Variants in G3BP1 observed in about 807,000 individuals in gnomAD.
G3BP1 encodes the protein G3BP stress granule assembly factor 1, also known as ras GTPase-activating protein-binding protein 1.
A neutral mutation model predicts 58.6 loss-of-function variants in G3BP1; 35 were observed. The ratio of observed to expected loss-of-function variants is 0.60; its 90% CI spans 0.46 to 0.79. The LOEUF (loss-of-function observed/expected upper bound fraction) is 0.79. Ranked by LOEUF, G3BP1 falls within the 30% of genes least tolerant of loss-of-function variation. The pLI, the probability that G3BP1 is intolerant of heterozygous loss-of-function variation, is 0.00. For synonymous variants in G3BP1, 191 were observed against 195.4 expected (o/e 0.98, Z 0.19); for missense variants, 523 against 580.8 (o/e 0.90, Z 1.02).
intron 4 of G3BP1, chr5:151,791,948 C>T (rs2915869): frequency 0.23 from 87,868 of 376,218 alleles, 11,427 homozygotes; most frequent in East Asian, 0.3. Flanking sequence ...GCCACCATGC[C>T]CAGCCTTATT....
intron 1 of G3BP1, among the ~76,000 whole-genome samples, chr5:151,772,965 G>A (rs919689547): frequency 1.3e-5 from 2 of 152,206 alleles, no homozygotes; most frequent in African/African-American, 4.8e-5. Context: ...AAGGGTTTGG[G>A]CTTCCTTTCT....
At chr5:151,779,125 G>T (rs565622622) in intron 1 of G3BP1, among the ~76,000 whole-genome samples, 1 of 151,752 alleles carries the variant, frequency 6.6e-6, no homozygotes, top group East Asian at 1.9e-4. Flanking sequence ...GCTTGCCTGC[G>T]TGCCTTTTCA....
intron 1 of G3BP1, among the ~76,000 whole-genome samples, chr5:151,779,426 T>G (rs1192314819): frequency 1.6e-4 from 24 of 152,222 alleles, no homozygotes; most frequent in Non-Finnish European, 7.3e-5. Flanking sequence ...GTATACTTTT[T>G]CCACTGAATT....
chr5:151,774,645 C>T (rs113854115), intron 1 of G3BP1, among the ~76,000 whole-genome samples: 267 of 150,168 alleles, frequency 1.8e-3, no homozygotes, highest in Middle Eastern at 0.01. Flanking sequence ...TTATATTGTG[C>T]TTTGGCTTCC....
rs764021612 is a variant in G3BP1 at position 151,799,285 on chromosome 5, C to T, written c.815C>T (p.Pro272Leu). 3 of 1,589,784 alleles carry T rather than the reference C, an allele frequency of 1.9e-6. No individual in the cohort carries two copies. Among genetic ancestry groups the T allele is most frequent in the Admixed American group, 3.3e-5 (2 of 59,988 alleles). The change falls in exon 8 of 12, where the codon CCT (proline) becomes CTT (leucine). Residue 272 changes from proline to leucine, a missense_variant. Physicochemically the swap from Pro to Leu is moderately conservative, Grantham distance 98. Coordinates refer to ENST00000356245, the MANE Select transcript of G3BP1 (RefSeq NM_005754.3). The part of the protein sequence containing the change: ...SGAVPVTGIP[P>L]HVVKVPASQP... ...GCTGTTCCAGTTACTGGGATACCAC[C>T]TCATGTTGTTAAAGTACCAGCTTCA... is the stretch of plus-strand genomic sequence containing the variant.
At position 151,798,702 on chromosome 5, in the gene G3BP1, G is replaced by A. The variant is rs575143841; in HGVS notation, c.742-510G>A. On this transcript the variant is annotated intron_variant, in intron 7 of 11. Transcript: ENST00000356245. ...TGTTGGGCCAGGCGTTGTGGCTTAC[G>A]CATTTAATCCCAGCACTTTGGGAGG... is the stretch of plus-strand genomic sequence containing the variant. Among the ~76,000 whole-genome samples the A allele has an allele frequency of 1.9e-4, 29 of 152,206 alleles. 1 individual carries two copies. Among genetic ancestry groups the A allele is most frequent in the African/African-American group, 7.0e-4 (29 of 41,526 alleles).
At chr5:151,788,572 A>ATGTGTGTGTGTGTGTGTGTG (rs10634385) in intron 2 of G3BP1, among the ~76,000 whole-genome samples, 23 of 133,328 alleles carry the variant, frequency 1.7e-4, no homozygotes, top group African/African-American at 5.9e-4. Flanking sequence ...CTAAGTTTAT[A>ATGTGTGTGTGTGTGTGTGTG]TGTGTGTGTG....
chr5:151,796,646 A>G (rs949251089), intron 6 of G3BP1, among the ~76,000 whole-genome samples: 1 of 152,122 alleles, frequency 6.6e-6, no homozygotes, highest in Non-Finnish European at 1.5e-5. Context: ...TCTCCCCCAA[A>G]TTCCTTATGT....
At chr5:151,773,009 C>T (rs1762300679) in intron 1 of G3BP1, among the ~76,000 whole-genome samples, 2 of 152,166 alleles carry the variant, frequency 1.3e-5, no homozygotes, top group South Asian at 2.1e-4. Context: ...GTAGATGTGC[C>T]GCCACCGTAG....
rs74855689 is a variant in G3BP1, at chr5:151,809,063, G to A, written c.*4972G>A. 1,317 of 152,324 alleles carry A rather than the reference G, an allele frequency of 8.6e-3. 16 individuals carry two copies. Among genetic ancestry groups the A allele is most frequent in the African/African-American group, 0.03 (1,264 of 41,546 alleles). 9.4% of individuals were successfully genotyped at this position (152,324 alleles called of 1,614,324 possible). A position where few individuals can be genotyped will look rare whatever the true frequency, so the allele number is the denominator to read the frequency against. ...GTGGTGGCGCATTCCTATAGTCTCC[G>A]TCTCTCAGGAGGCTGAGGCAGGAGA... On this transcript the variant is annotated 3_prime_UTR_variant, in exon 12 of 12. Coordinates refer to ENST00000356245, the MANE Select transcript of G3BP1 (RefSeq NM_005754.3).
rs996363436 is a variant in G3BP1, at chr5:151,809,876, C to T, written c.*5785C>T. On this transcript the variant is annotated 3_prime_UTR_variant, in exon 12 of 12. Coordinates refer to ENST00000356245, the MANE Select transcript of G3BP1 (RefSeq NM_005754.3). ...AACTGTCTTTAATGGCCCAGCTCTA[C>T]CAGGGCTTGTTGTCTAAGGACATTA... 2 of 152,214 alleles carry T rather than the reference C, an allele frequency of 1.3e-5. No homozygotes were observed. Among genetic ancestry groups the T allele is most frequent in the East Asian group, 1.9e-4 (1 of 5,196 alleles). 9.4% of individuals were successfully genotyped at this position (152,214 alleles called of 1,614,324 possible).
chr5:151,803,377 A>G (rs907751568), intron 11 of G3BP1, among the ~76,000 whole-genome samples: 2 of 152,058 alleles, frequency 1.3e-5, no homozygotes, highest in Admixed American at 6.6e-5. Context: ...GCTCACCACA[A>G]CTTCCGCCAC....
chr5:151,787,473 T>C (rs1319149149), intron 2 of G3BP1: 2 of 152,204 alleles, frequency 1.3e-5, no homozygotes, highest in Non-Finnish European at 2.9e-5. Flanking sequence ...TCTATATATA[T>C]AGAAACATGT....
intron 11 of G3BP1, among the ~76,000 whole-genome samples, chr5:151,803,319 C>T (rs531210305): frequency 9.9e-5 from 15 of 152,002 alleles, no homozygotes; most frequent in Admixed American, 3.9e-4. Flanking sequence ...TTTATTGGGA[C>T]GGAGTCTCAC....
Position 151,796,237 on chromosome 5 carries a change from A to G in G3BP1, c.539+662A>G, listed in dbSNP as rs967608804. Among the ~76,000 whole-genome samples, 6 of 152,304 alleles carry G rather than the reference A, an allele frequency of 3.9e-5. No individual in the cohort carries two copies. The East Asian group carries it at 1.2e-3, about 29-fold the overall frequency. On this transcript the variant is annotated intron_variant, in intron 6 of 11. Transcript: ENST00000356245. ...GGTCCCACTGCAAACCTACCGAATT[A>G]GACTTTCAGGAGGCAAAACATCTGC...
Position 151,800,874 on chromosome 5 carries a change from G to A in G3BP1, c.1194+5G>A. 2 of 1,401,234 alleles carry A rather than the reference G, an allele frequency of 1.4e-6. No individual in the cohort carries two copies. Among genetic ancestry groups the A allele is most frequent in the Non-Finnish European group, 2.0e-6 (2 of 1,000,458 alleles). 86.8% of individuals were successfully genotyped at this position (1,401,234 alleles called of 1,614,324 possible). A position where few individuals can be genotyped will look rare whatever the true frequency, so the allele number is the denominator to read the frequency against. ...CAGAAAGTCCTTAGCAACAGGGTAA[G>A]CAGCTTTTTGTCTTGATTTTTTTTT... On this transcript the variant is annotated splice_donor_5th_base_variant and intron_variant, in intron 11 of 11. Coordinates refer to ENST00000356245, the MANE Select transcript of G3BP1 (RefSeq NM_005754.3).
At chr5:151,796,662 A>C (rs1200179738) in intron 6 of G3BP1, among the ~76,000 whole-genome samples, 2 of 152,178 alleles carry the variant, frequency 1.3e-5, no homozygotes, top group Non-Finnish European at 2.9e-5. Context: ...TATGTGCTTG[A>C]AAGAGTTTTT....
chr5:151,782,279 T>G (rs1230798583), intron 1 of G3BP1, among the ~76,000 whole-genome samples: 1 of 152,196 alleles, frequency 6.6e-6, no homozygotes, highest in Non-Finnish European at 1.5e-5. Flanking sequence ...TGGAGAAGTT[T>G]CCCTAGTGAG....
Position 151,799,901 on chromosome 5 carries a change from T to C in G3BP1, c.856T>C (p.Ser286Pro). 6.2e-7 allele frequency: 1 copy of C among 1,608,538 alleles called. No homozygotes were observed. Among genetic ancestry groups the C allele is most frequent in the African/African-American group, 1.3e-5 (1 of 74,876 alleles). The change falls in exon 9 of 12, where the codon TCT becomes CCT. Residue 286 changes from serine (S) to proline (P), a missense_variant. Coordinates refer to ENST00000356245, the MANE Select transcript of G3BP1 (RefSeq NM_005754.3). ...KVPASQPRPESKPESQIPPQR... is the reference protein window; with the variant it reads ...KVPASQPRPEPKPESQIPPQR... The stretch of plus-strand genomic sequence containing the variant: ...TAAAATTTTTCAGCCCCGTCCAGAG[T>C]CTAAGCCTGAATCTCAGATTCCACC...
Sources: gnomAD v4.1 joint callset for allele counts (sites outside exome capture counted in the v4.1 genomes callset) on GRCh38, gnomAD v4.1.1 for gene constraint, MANE v1.5 for transcripts, NCBI Gene and HGNC (gene_info 2026-07-23, HGNC 2026-07-21) for gene names.